Variants in ALOX15 observed in about 807,000 individuals in gnomAD.
ALOX15 encodes the protein arachidonate 15-lipoxygenase, also known as polyunsaturated fatty acid lipoxygenase ALOX15.
Under a neutral mutation model 71.7 loss-of-function variants are expected in ALOX15, and 68 were observed. The observed-to-expected ratio is 0.95, with a 90% CI of 0.78 to 1.16. The LOEUF (loss-of-function observed/expected upper bound fraction) is 1.16. Among genes scored for constraint, ALOX15 ranks in the 50% most tolerant of loss-of-function variants. The pLI is 0.00. For missense variants in ALOX15, 798 were observed against 818.8 expected (o/e 0.97, Z 0.31); for synonymous variants, 346 against 333.3 (o/e 1.04, Z -0.42).
chr17:4,631,839 C>A (rs11568130), intron 13 of ALOX15, 50 bp downstream of exon 13: 9 of 1,608,784 alleles, frequency 5.6e-6, no homozygotes, highest in Admixed American at 3.3e-5. Flanking sequence ...GGATGCCACA[C>A]GTCCCCACAG....
rs1453277507 is a variant in ALOX15, at chr17:4,638,209, G to A, written c.807+8C>T. The A allele has an allele frequency of 1.6e-6, 1 of 640,332 alleles. No homozygotes were observed. Among genetic ancestry groups the A allele is most frequent in the Non-Finnish European group, 2.7e-6 (1 of 365,922 alleles). 39.7% of individuals were successfully genotyped at this position (640,332 alleles called of 1,614,324 possible). On this transcript the variant is annotated splice_region_variant and intron_variant, in intron 6 of 13. Transcript: ENST00000293761. Reference sequence around the variant, plus strand: ...TGCTGAGCTTCCTCAGGGCTCTGATGTCCATACCTCCAGCTCCTTCTCCAG... The same window carrying A: ...TGCTGAGCTTCCTCAGGGCTCTGATATCCATACCTCCAGCTCCTTCTCCAG...
intron 7 of ALOX15, among the ~76,000 whole-genome samples, chr17:4,636,755 C>A (rs1911114466): frequency 6.6e-6 from 1 of 152,170 alleles, no homozygotes; most frequent in Non-Finnish European, 1.5e-5. Context: ...TTGCCTGACT[C>A]CTCTACCTCA....
intron 1 of ALOX15, among the ~76,000 whole-genome samples, chr17:4,641,182 CG>C (rs752832542): frequency 1.8e-4 from 27 of 151,518 alleles, no homozygotes; most frequent in African/African-American, 6.3e-4. Context: ...GCGGTTGAAA[CG>C]GTTTTTAAAA....
At chr17:4,632,103 GC>G (rs1910927350) in intron 12 of ALOX15, 47 bp from the exon 13 acceptor site, 11 of 1,610,660 alleles carry the variant, frequency 6.8e-6, no homozygotes, top group African/African-American at 1.3e-5. Context: ...AAGCACGCGA[GC>G]CCCGTGGTCC....
chr17:4,641,011 C>T (rs965799970), intron 1 of ALOX15, among the ~76,000 whole-genome samples: 4 of 150,912 alleles, frequency 2.7e-5, no homozygotes, highest in African/African-American at 9.7e-5. Context: ...AAAAAGTTAA[C>T]AGGACCGGGT....
At chr17:4,635,430 CAAAAA>C (rs56193749) in intron 8 of ALOX15, among the ~76,000 whole-genome samples, 15 of 131,152 alleles carry the variant, frequency 1.1e-4, no homozygotes, top group Admixed American at 6.3e-4. Flanking sequence ...GACTCCATCT[CAAAAA>C]AAAAAAAAAA....
intron 10 of ALOX15, 45 bp from the exon 11 acceptor site, chr17:4,633,027 C>A (rs906641280): frequency 6.8e-6 from 11 of 1,613,610 alleles, no homozygotes; most frequent in South Asian, 1.1e-5. Context: ...GCCAGCTCTG[C>A]CCCTGCTCAC....
chr17:4,635,746 G>T lies in ALOX15; in HGVS notation c.1161+13C>A. On this transcript the variant is annotated intron_variant, in intron 8 of 13. Transcript: ENST00000293761. The stretch of plus-strand genomic sequence containing the variant: ...GATAGTGGCAGGCAAGAGAGAAGGG[G>T]ATAAGGAGTTACCTTGAAGATAGGA... 1.2e-6 allele frequency: 2 copies of T among 1,613,882 alleles called. No individual in the cohort carries two copies. Among genetic ancestry groups the T allele is most frequent in the Non-Finnish European group, 1.7e-6 (2 of 1,179,770 alleles).
Position 4,641,534 on chromosome 17 carries a change from A to G in ALOX15, c.118T>C (p.Trp40Arg). 6.2e-7 allele frequency: 1 copy of G among 1,613,076 alleles called. No homozygotes were observed. Among genetic ancestry groups the G allele is most frequent in the South Asian group, 1.1e-5 (1 of 91,050 alleles). Residue 40 changes from tryptophan (W) to arginine (R), a missense_variant, in exon 1 of 14, where the codon TGG becomes CGG. Physicochemically the swap from Trp to Arg is moderately radical, Grantham distance 101. This residue lies in a region of ALOX15 where 300 missense variants were observed against 283.1 expected (regional missense o/e 1.06). Transcript: ENST00000293761. ...GAGCTCACCTTGCCCCGTGCGGGCC[A>G]CAGTCGCTTCCCGAGCGCCGCCTCC... The part of the protein sequence containing the change: ...HGEAALGKRL[W>R]PARGKETELK...
intron 6 of ALOX15, among the ~76,000 whole-genome samples, chr17:4,637,921 ACT>A (rs1429961369): frequency 6.6e-6 from 1 of 151,338 alleles, no homozygotes. Context: ...TCTGATCCTG[ACT>A]CTCTTACTCT....
In ALOX15 at chr17:4,635,982, A is replaced by C. The variant is rs749786525; in HGVS notation, c.952-14T>G. 2.5e-6 allele frequency: 4 copies of C among 1,612,434 alleles called. No homozygotes were observed. The highest frequency in any genetic ancestry group is 3.4e-6 in the Non-Finnish European group (4 of 1,179,544). On this transcript the variant is annotated splice_polypyrimidine_tract_variant and intron_variant, in intron 7 of 13. Transcript: ENST00000293761. Reference sequence around the variant, plus strand: ...GGGCAGCTGGAGCTGGAGCAGGGACAAGTGTGGGGAGAGAAGGCATGAGTG... The same window carrying C: ...GGGCAGCTGGAGCTGGAGCAGGGACCAGTGTGGGGAGAGAAGGCATGAGTG...
chr17:4,635,913 G>A lies in ALOX15; in HGVS notation c.1007C>T (p.Pro336Leu). ...TTTGGCCAGAAGCCAGGCCATTGGGGGATCCGTAGGCAAGAAAAGGGGAGG... is the reference window on the plus strand; with the variant it reads ...TTTGGCCAGAAGCCAGGCCATTGGGAGATCCGTAGGCAAGAAAAGGGGAGG... ...PPPPLFLPTD[P>L]PMAWLLAKCW... The change falls in exon 8 of 14, where the codon CCC becomes CTC. Residue 336 changes from proline to leucine, a missense_variant. Physicochemically the swap from Pro to Leu is moderately conservative, Grantham distance 98 (BLOSUM62 -3). This residue lies in a region of ALOX15 where 490 missense variants were observed against 509.4 expected (regional missense o/e 0.96). Transcript: ENST00000293761. The A allele has an allele frequency of 6.2e-7, 1 of 1,614,244 alleles. No homozygotes were observed.
At position 4,633,231 on chromosome 17, in the gene ALOX15, CAGGGGGACAGA is replaced by C; in HGVS notation, c.1322_1332del (p.Phe441Ter). 1 of 1,614,202 alleles carries C rather than the reference CAGGGGGACAGA, an allele frequency of 6.2e-7. No homozygotes were observed. The highest frequency in any genetic ancestry group is 1.1e-5 in the South Asian group (1 of 91,088). On this transcript the variant is annotated frameshift_variant, in exon 10 of 14. Transcript: ENST00000293761. LOFTEE classifies it high-confidence loss of function. ...AGGAGCCCCCGGTCGGCCAAGTCAT[CAGGGGGACAGA>C]AGGAGCTGTAGGTTAGGAAGGCTCC... is the stretch of plus-strand genomic sequence containing the variant.
chr17:4,632,388 C>G (rs1910944310), intron 11 of ALOX15, 107 bp from the exon 12 acceptor site: 7 of 883,588 alleles, frequency 7.9e-6, no homozygotes, highest in Non-Finnish European at 1.3e-5. Context: ...GGCAGGAATG[C>G]TCAGTTAACT....
At chr17:4,633,800 A>G (rs1010905962) in intron 8 of ALOX15, among the ~76,000 whole-genome samples, 3 of 152,176 alleles carry the variant, frequency 2.0e-5, no homozygotes, top group Non-Finnish European at 4.4e-5. Flanking sequence ...TCAACAATAG[A>G]CCAGGTAAAG....
intron 8 of ALOX15, among the ~76,000 whole-genome samples, chr17:4,635,339 T>C (rs1271164685): frequency 6.8e-6 from 1 of 146,378 alleles, no homozygotes; most frequent in African/African-American, 2.5e-5. Context: ...GAGGCTGAAG[T>C]GGGAGAATTG....
rs1328167376 is a variant in ALOX15 at position 4,631,340 on chromosome 17, T to C, written c.*260A>G. 1.2e-5 allele frequency: 6 copies of C among 516,402 alleles called. No homozygotes were observed. The highest frequency in any genetic ancestry group is 2.1e-5 in the Non-Finnish European group (6 of 291,578). The allele number at this position is 516,402 out of a possible 1,614,324, so 32.0% of individuals were successfully genotyped here. On this transcript the variant is annotated 3_prime_UTR_variant, in exon 14 of 14. Coordinates refer to ENST00000293761, the MANE Select transcript of ALOX15 (RefSeq NM_001140.5). ...TTTATATAATTGTGGCTATTTGCCA[T>C]ATAGATCTGAATGAAGAAAGAGGAA...
At position 4,631,723 on chromosome 17, in the gene ALOX15, C is replaced by T; in HGVS notation, c.1866G>A (p.Val622=). ...EYFSGPEPKA[V]LKKFREELAA... ...CCAGCTCCTCCCTGAACTTCTTCAGCACAGCCTTAGGCTCAGGGCCCGAAA... is the reference window on the plus strand; with the variant it reads ...CCAGCTCCTCCCTGAACTTCTTCAGTACAGCCTTAGGCTCAGGGCCCGAAA... The change falls in exon 14 of 14, where the codon GTG becomes GTA. Residue 622 remains valine, a synonymous_variant. Transcript: ENST00000293761. The T allele has an allele frequency of 1.2e-6, 2 of 1,614,220 alleles. No individual in the cohort carries two copies. Among genetic ancestry groups the T allele is most frequent in the Non-Finnish European group, 1.7e-6 (2 of 1,180,044 alleles).
chr17:4,633,074 C>CAG, intron 10 of ALOX15, 72 bp downstream of exon 10: 2 of 1,609,252 alleles, frequency 1.2e-6, no homozygotes, highest in Non-Finnish European at 1.7e-6. Context: ...CAACCAGACG[C>CAG]AGACCTCCTG....
Sources: gnomAD v4.1 joint callset for allele counts (sites outside exome capture counted in the v4.1 genomes callset) on GRCh38, gnomAD v4.1.1 for gene constraint, gnomAD v4.1.1 regional missense constraint, MANE v1.5 for transcripts, NCBI Gene and HGNC (gene_info 2026-07-23, HGNC 2026-07-21) for gene names.